Variants in GTF2F1 observed in about 807,000 individuals in gnomAD.
GTF2F1 encodes the protein general transcription factor IIF 74 kDa subunit.
A neutral mutation model predicts 63.5 loss-of-function variants in GTF2F1; 39 were observed. The ratio of observed to expected loss-of-function variants is 0.61; its 90% CI spans 0.48 to 0.80. GTF2F1 has a LOEUF of 0.80. Among genes scored for constraint, GTF2F1 ranks in the 30% least tolerant of loss-of-function variants. The probability of loss-of-function intolerance (pLI) is 0.00; values close to 1 mark genes in which losing one functional copy is unlikely to be tolerated. For synonymous variants in GTF2F1, 287 were observed against 285.3 expected, an observed-to-expected ratio of 1.01 and a Z score of -0.06; for missense variants, 657 against 718.3, an observed-to-expected ratio of 0.91 and a Z score of 0.97.
chr19:6,392,182 C>A (rs1179742276), intron 2 of GTF2F1: 1 of 616,896 alleles, frequency 1.6e-6, no homozygotes. Context: ...TAATTCAATT[C>A]AATTCACTCA....
rs1263082360 is a variant in GTF2F1 at position 6,383,370 on chromosome 19, T to C, written c.623A>G (p.His208Arg). 2 of 1,614,248 alleles carry C rather than the reference T, an allele frequency of 1.2e-6. No individual in the cohort carries two copies. The highest frequency in any genetic ancestry group is 1.7e-6 in the Non-Finnish European group (2 of 1,180,046). Reference sequence around the variant, plus strand: ...CATCTCCAGGTCGTCCTCCAGGTCGTGGATGCGCAGCTCGCTCGCCTTCCT... The same window carrying C: ...CATCTCCAGGTCGTCCTCCAGGTCGCGGATGCGCAGCTCGCTCGCCTTCCT... ...GRRKASELRI[H>R]DLEDDLEMSS... The change falls in exon 6 of 13, where the codon CAC (histidine) becomes CGC (arginine). Residue 208 changes from histidine (H) to arginine (R), a missense_variant. Transcript: ENST00000394456. This position sits in a 1 kb window ranked among gnomAD's most constrained non-coding sequence, Gnocchi z 4.5.
rs1158829863 is a variant in GTF2F1, at chr19:6,393,072, C to T, written c.-77G>A. 1 of 1,586,164 alleles carries T rather than the reference C, an allele frequency of 6.3e-7. No individual in the cohort carries two copies. The highest frequency in any genetic ancestry group is 8.6e-7 in the Non-Finnish European group (1 of 1,158,050). ...CTCTGGCGTGCGCGTCCCTCGATCC[C>T]GGGGAAGCCGCCGCTCGGTGTCGGG... is the stretch of plus-strand genomic sequence containing the variant. On this transcript the variant is annotated 5_prime_UTR_variant, in exon 1 of 13. Transcript: ENST00000394456.
At chr19:6,390,546 CCAAAAAAAAAAAAAAA>C (rs964776065) in intron 3 of GTF2F1, 5 of 99,006 alleles carry the variant, frequency 5.1e-5, no homozygotes, top group African/African-American at 2.3e-4. Context: ...GACTCAGTCC[CCAAAAAAAAAAAAAAA>C]AAAAAAAAAG....
intron 3 of GTF2F1, 53 bp from the exon 4 acceptor site, chr19:6,389,690 T>C: frequency 6.5e-7 from 1 of 1,534,824 alleles, no homozygotes; most frequent in South Asian, 1.1e-5. Flanking sequence ...GCTTGCGCAG[T>C]GCCCCCCTCC....
chr19:6,388,150 G>A (rs34420604), intron 4 of GTF2F1, among the ~76,000 whole-genome samples: 1 of 135,270 alleles, frequency 7.4e-6, no homozygotes, highest in African/African-American at 2.5e-5. Flanking sequence ...GGCTAGTTTC[G>A]AACCCCTGAC....
chr19:6,386,216 C>G (rs1217428053), intron 5 of GTF2F1, among the ~76,000 whole-genome samples: 1 of 151,948 alleles, frequency 6.6e-6, no homozygotes, highest in Non-Finnish European at 1.5e-5. Context: ...GAAACCCTGT[C>G]TCTACAAAAA....
intron 4 of GTF2F1, among the ~76,000 whole-genome samples, chr19:6,389,131 G>A (rs2091985633): frequency 6.6e-6 from 1 of 151,880 alleles, no homozygotes. Context: ...AGCTACTCAG[G>A]AGGCTCAGGC....
chr19:6,391,439 G>GTTTTTTTTTTTT (rs11340944), intron 3 of GTF2F1, among the ~76,000 whole-genome samples: 2 of 87,452 alleles, frequency 2.3e-5, no homozygotes, highest in African/African-American at 6.6e-5. Context: ...TGCCATTTCC[G>GTTTTTTTTTTTT]TTTTTTTTTT....
chr19:6,383,255 C>T lies in GTF2F1; in HGVS notation c.682+56G>A. The T allele has an allele frequency of 4.5e-6, 7 of 1,567,960 alleles. No homozygotes were observed. The highest frequency in any genetic ancestry group is 6.1e-6 in the Non-Finnish European group (7 of 1,144,626). ...TGAGCGATGGTAGACTTTGCCTTCA[C>T]TGGCACTGCCTGAGCAGGCACCTCT... On this transcript the variant is annotated intron_variant, in intron 6 of 12. Transcript: ENST00000394456. This position sits in a 1 kb window ranked among gnomAD's most constrained non-coding sequence, Gnocchi z 4.5.
rs112097873 is a variant in GTF2F1, at chr19:6,387,233, G to C, written c.497+156C>G. Reference sequence around the variant, plus strand: ...ATTGTGGCCCTAAGGCCTCCTATCTGTTTCCTCCTGAACTGACAGCTCTGA... The same window carrying C: ...ATTGTGGCCCTAAGGCCTCCTATCTCTTTCCTCCTGAACTGACAGCTCTGA... On this transcript the variant is annotated intron_variant, in intron 5 of 12. Coordinates refer to ENST00000394456, the MANE Select transcript of GTF2F1 (RefSeq NM_002096.3). 1,725 of 669,068 alleles carry C rather than the reference G, an allele frequency of 2.6e-3. 14 individuals are homozygous for C. In the African/African-American group the frequency reaches 0.029, roughly 11 times the overall value. 41.4% of individuals were successfully genotyped at this position (669,068 alleles called of 1,614,324 possible).
chr19:6,390,260 A>T (rs1472097908), intron 3 of GTF2F1: 1 of 151,390 alleles, frequency 6.6e-6, no homozygotes, highest in Non-Finnish European at 1.5e-5. Context: ...GTCTTAAGAA[A>T]AAAAAGGCCA....
chr19:6,389,946 GAAGT>G (rs1382640378), intron 3 of GTF2F1, among the ~76,000 whole-genome samples: 1 of 152,236 alleles, frequency 6.6e-6, no homozygotes, highest in Non-Finnish European at 1.5e-5. Context: ...GAGGAATGTA[GAAGT>G]AATTAATTAG....
In GTF2F1 at chr19:6,393,015, C is replaced by T. The variant is rs1488487307; in HGVS notation, c.-20G>A. ...CGCCATGGGCAATGGTCAGTGGTTC[C>T]GATCTGGTCCGACCCGGGTTCCTTT... On this transcript the variant is annotated 5_prime_UTR_variant, in exon 1 of 13. Coordinates refer to ENST00000394456, the MANE Select transcript of GTF2F1 (RefSeq NM_002096.3). The T allele has an allele frequency of 2.5e-6, 4 of 1,613,442 alleles. No homozygotes were observed. In the Admixed American group the frequency reaches 6.7e-5, roughly 27 times the overall value.
rs11359697 is a variant in GTF2F1 at position 6,379,741 on chromosome 19, CT to C, written c.*539del. 64,564 of 142,094 alleles carry C rather than the reference CT, an allele frequency of 0.45. 17,758 individuals are homozygous for C. The highest frequency in any genetic ancestry group is 0.83 in the African/African-American group (30,653 of 36,994). The allele number at this position is 142,094 out of a possible 1,614,324, so 8.8% of individuals were successfully genotyped here. A position where few individuals can be genotyped will look rare whatever the true frequency, so the allele number is the denominator to read the frequency against. ...AGGCTCCCGCCACCATGCCTGGCTA[CT>C]TTTTTTTTTTTTTTGTGCCAGGATT... is the stretch of plus-strand genomic sequence containing the variant. On this transcript the variant is annotated 3_prime_UTR_variant, in exon 13 of 13. Transcript: ENST00000394456.
Position 6,383,606 on chromosome 19 carries a change from C to T in GTF2F1, c.498-111G>A. On this transcript the variant is annotated intron_variant, in intron 5 of 12. Coordinates refer to ENST00000394456, the MANE Select transcript of GTF2F1 (RefSeq NM_002096.3). This position sits in a 1 kb window ranked among gnomAD's most constrained non-coding sequence, Gnocchi z 4.5. ...CCACATAGCCTTCAAGGTGATGTGG[C>T]CCCCGGGGACTTGGGCTGTGGCACA... is the stretch of plus-strand genomic sequence containing the variant. 7 of 1,132,496 alleles carry T rather than the reference C, an allele frequency of 6.2e-6. No individual in the cohort carries two copies. Among genetic ancestry groups the T allele is most frequent in the Non-Finnish European group, 7.6e-6 (6 of 789,000 alleles). 70.2% of individuals were successfully genotyped at this position (1,132,496 alleles called of 1,614,324 possible). A position where few individuals can be genotyped will look rare whatever the true frequency, so the allele number is the denominator to read the frequency against.
chr19:6,387,559 C>A lies in GTF2F1; in HGVS notation c.327G>T (p.Lys109Asn). ...LLRVNGKSGR[K>N]FKGIKKGGVT... ...CGCCTCCCTTCTTGATGCCCTTGAA[C>A]CTGCAGGGAGCCACGGTCATGGCCT... The change falls in exon 5 of 13, where the codon AAG becomes AAT. Residue 109 changes from lysine (K) to asparagine (N), a missense_variant and splice_region_variant. Lys to Asn is a moderately conservative substitution (Grantham distance 94). Coordinates refer to ENST00000394456, the MANE Select transcript of GTF2F1 (RefSeq NM_002096.3). The A allele has an allele frequency of 6.2e-7, 1 of 1,613,856 alleles. No homozygotes were observed. The highest frequency in any genetic ancestry group is 8.5e-7 in the Non-Finnish European group (1 of 1,179,816).
At position 6,391,784 on chromosome 19, in the gene GTF2F1, A is replaced by G. The variant is rs199896914; in HGVS notation, c.132+118T>C. The G allele has an allele frequency of 1.3e-3, 801 of 614,526 alleles. 1 individual carries two copies. Among genetic ancestry groups the G allele is most frequent in the Non-Finnish European group, 1.5e-3 (498 of 341,014 alleles). The allele number at this position is 614,526 out of a possible 1,614,324, so 38.1% of individuals were successfully genotyped here. On this transcript the variant is annotated intron_variant, in intron 3 of 12. Transcript: ENST00000394456. ...CATCTATCTTTTCTTCACTTGGAGA[A>G]AAGTGAGAAAATTAAGACTTAGTGA...
At position 6,379,613 on chromosome 19, in the gene GTF2F1, C is replaced by A. The variant is rs1486568560; in HGVS notation, c.*668G>T. On this transcript the variant is annotated 3_prime_UTR_variant, in exon 13 of 13. Transcript: ENST00000394456. ...ATTTATTGAGACAGAGTCTCACTGTCACCCAGGCTGGAGTGCAGTGGCGTG... is the reference window on the plus strand; with the variant it reads ...ATTTATTGAGACAGAGTCTCACTGTAACCCAGGCTGGAGTGCAGTGGCGTG... 6.5e-6 allele frequency: 1 copy of A among 152,778 alleles called. No homozygotes were observed. The highest frequency in any genetic ancestry group is 1.5e-5 in the Non-Finnish European group (1 of 68,516). 9.5% of individuals were successfully genotyped at this position (152,778 alleles called of 1,614,324 possible). A position where few individuals can be genotyped will look rare whatever the true frequency, so the allele number is the denominator to read the frequency against.
At position 6,380,704 on chromosome 19, in the gene GTF2F1, G is replaced by C. The variant is rs199595634; in HGVS notation, c.1232-14C>G. 1.1e-5 allele frequency: 18 copies of C among 1,607,610 alleles called. No homozygotes were observed. The Admixed American group carries it at 2.0e-4, about 18-fold the overall frequency. On this transcript the variant is annotated splice_polypyrimidine_tract_variant and intron_variant, in intron 11 of 12. Coordinates refer to ENST00000394456, the MANE Select transcript of GTF2F1 (RefSeq NM_002096.3). This position sits in a 1 kb window ranked among gnomAD's most constrained non-coding sequence, Gnocchi z 5.3. ...TCACCCGCTTCCCTGTGGGAGTGGG[G>C]TCAGGGCTGAGTCTTGCAGGCAGGA... is the stretch of plus-strand genomic sequence containing the variant.
Sources: allele counts gnomAD v4.1 joint callset (sites outside exome capture counted in the v4.1 genomes callset), GRCh38; gene constraint gnomAD v4.1.1; non-coding constraint Gnocchi (gnomAD v3.1); transcripts MANE v1.5; gene names NCBI Gene and HGNC (gene_info 2026-07-23, HGNC 2026-07-21).